DEPDC1B: variants seen among roughly 807,000 people sequenced by gnomAD.
DEPDC1B encodes the protein DEP domain-containing protein 1B.
Under a neutral mutation model 66.5 loss-of-function variants are expected in DEPDC1B, and 51 were observed. The observed-to-expected ratio is 0.77, with a 90% CI of 0.61 to 0.97. DEPDC1B has a LOEUF of 0.97. Among genes scored for constraint, DEPDC1B ranks in the 50% least tolerant of loss-of-function variants. The pLI is 0.00. For synonymous variants in DEPDC1B, 226 were observed against 223.6 expected, an observed-to-expected ratio of 1.01 and a Z score of -0.10; for missense variants, 552 against 637.1, an observed-to-expected ratio of 0.87 and a Z score of 1.44.
In DEPDC1B at chr5:60,668,058, A is replaced by ATT. The variant is rs1461217481; in HGVS notation, c.314+18902_314+18903dup. 3.0e-3 allele frequency among the ~76,000 whole-genome samples: 281 copies of ATT among 92,862 alleles called. 5 individuals carry two copies. Among genetic ancestry groups the ATT allele is most frequent in the Non-Finnish European group, 4.3e-3 (223 of 52,392 alleles). The allele number at this position is 92,862 out of a possible 152,430, so 60.9% of individuals were successfully genotyped here. A position where few individuals can be genotyped will look rare whatever the true frequency, so the allele number is the denominator to read the frequency against. ...TATTTTATATATATATAAAATGGATATTTTATATATATATAAAATGGATAT... is the reference window on the plus strand; with the variant it reads ...TATTTTATATATATATAAAATGGATATTTTTTATATATATATAAAATGGATAT... On this transcript the variant is annotated intron_variant, in intron 2 of 10. Transcript: ENST00000265036.
At chr5:60,631,076 A>G (rs1327628369) in intron 7 of DEPDC1B, 1 of 152,474 alleles carries the variant, frequency 6.6e-6, no homozygotes, top group East Asian at 1.9e-4. Context: ...TGGTCACATA[A>G]CAGAATACAC....
intron 2 of DEPDC1B, among the ~76,000 whole-genome samples, chr5:60,674,918 G>A (rs1296111827): frequency 6.6e-6 from 1 of 152,174 alleles, no homozygotes; most frequent in Non-Finnish European, 1.5e-5. Flanking sequence ...GGAAGCACAA[G>A]TGAGTTCATG....
Position 60,700,115 on chromosome 5 carries a change from G to A in DEPDC1B, c.-22C>T, listed in dbSNP as rs772404902. On this transcript the variant is annotated 5_prime_UTR_variant, in exon 1 of 11. Transcript: ENST00000265036. Reference sequence around the variant, plus strand: ...CCATGGCGCGTAGGCAGCAGCGGCCGCAGCCGCGCCAGCGCTGATCCCCGC... The same window carrying A: ...CCATGGCGCGTAGGCAGCAGCGGCCACAGCCGCGCCAGCGCTGATCCCCGC... The A allele has an allele frequency of 6.5e-6, 10 of 1,542,240 alleles. No homozygotes were observed. The highest frequency in any genetic ancestry group is 5.2e-6 in the Non-Finnish European group (6 of 1,146,442).
chr5:60,660,387 C>G (rs1292514100), intron 2 of DEPDC1B, among the ~76,000 whole-genome samples: 6 of 151,754 alleles, frequency 4.0e-5, no homozygotes, highest in Admixed American at 3.9e-4. Context: ...CCTTTAAAAG[C>G]CAGGGTAAAT....
intron 2 of DEPDC1B, among the ~76,000 whole-genome samples, chr5:60,653,390 G>A (rs1397961403): frequency 7.6e-6 from 1 of 131,548 alleles, no homozygotes; most frequent in Non-Finnish European, 1.5e-5. Context: ...TGGGCCATTC[G>A]CATATCTTTT....
intron 8 of DEPDC1B, among the ~76,000 whole-genome samples, chr5:60,604,507 C>T (rs1321798299): frequency 1.3e-5 from 2 of 152,022 alleles, no homozygotes; most frequent in African/African-American, 4.8e-5. Flanking sequence ...AGGAGTGAGC[C>T]ACCACGCCCA....
intron 7 of DEPDC1B, among the ~76,000 whole-genome samples, chr5:60,609,063 T>C (rs1031571208): frequency 1.3e-5 from 2 of 151,668 alleles, no homozygotes; most frequent in African/African-American, 4.9e-5. Context: ...TGAGCTATAA[T>C]TGCACACTGC....
At chr5:60,604,640 C>A (rs1752274197) in intron 8 of DEPDC1B, among the ~76,000 whole-genome samples, 1 of 151,904 alleles carries the variant, frequency 6.6e-6, no homozygotes, top group African/African-American at 2.4e-5. Context: ...TCATGTAATT[C>A]TGCTTAGTAA....
chr5:60,683,836 G>A (rs184486483), intron 2 of DEPDC1B, among the ~76,000 whole-genome samples: 3 of 151,998 alleles, frequency 2.0e-5, no homozygotes, highest in East Asian at 3.9e-4. Flanking sequence ...TTTCACAAAC[G>A]ACATAAACTT....
At chr5:60,690,173 A>G (rs999248916) in intron 1 of DEPDC1B, among the ~76,000 whole-genome samples, 2 of 152,372 alleles carry the variant, frequency 1.3e-5, no homozygotes, top group Non-Finnish European at 2.9e-5. Context: ...ACTTATAAAC[A>G]TAAGTATATT....
At chr5:60,677,104 C>A (rs553030584) in intron 2 of DEPDC1B, among the ~76,000 whole-genome samples, 1 of 152,024 alleles carries the variant, frequency 6.6e-6, no homozygotes, top group Admixed American at 6.5e-5. Flanking sequence ...ATTATCTTCA[C>A]AAAATATACA....
intron 2 of DEPDC1B, among the ~76,000 whole-genome samples, chr5:60,672,109 C>G (rs1319183810): frequency 6.6e-6 from 1 of 152,210 alleles, no homozygotes; most frequent in Non-Finnish European, 1.5e-5. Flanking sequence ...CTTTTCAGAT[C>G]AAGTTTGTTG....
Position 60,607,576 on chromosome 5 carries a change from C to T in DEPDC1B, c.899-1720G>A, listed in dbSNP as rs1752336282. 3.3e-5 allele frequency among the ~76,000 whole-genome samples: 5 copies of T among 152,050 alleles called. No individual in the cohort carries two copies. In the South Asian group the frequency reaches 1.0e-3, roughly 32 times the overall value. On this transcript the variant is annotated intron_variant, in intron 7 of 10. Transcript: ENST00000265036. ...TGTGTGATCTCATGGAGCTTGTTTT[C>T]CAGAAGATAAAAAGCAAAAAGATAT...
intron 2 of DEPDC1B, among the ~76,000 whole-genome samples, chr5:60,661,596 T>C (rs566925796): frequency 1.3e-5 from 2 of 152,324 alleles, no homozygotes; most frequent in South Asian, 4.1e-4. Context: ...CAGATAACCC[T>C]GATGGCTATA....
chr5:60,597,299 G>A lies in DEPDC1B; in HGVS notation c.*454C>T, dbSNP rs141545203. The A allele has an allele frequency of 3.9e-5, 6 of 152,970 alleles. No individual in the cohort carries two copies. Among genetic ancestry groups the A allele is most frequent in the Non-Finnish European group, 7.3e-5 (5 of 68,288 alleles). 9.5% of individuals were successfully genotyped at this position (152,970 alleles called of 1,614,324 possible). A position where few individuals can be genotyped will look rare whatever the true frequency, so the allele number is the denominator to read the frequency against. On this transcript the variant is annotated 3_prime_UTR_variant, in exon 11 of 11. Transcript: ENST00000265036. ...AATTTATACAGGAGAAATGATAATT[G>A]GCTACTAAGTCAATAGCATCACAGT...
At chr5:60,638,945 T>G (rs1315663059) in intron 6 of DEPDC1B, 55 bp from the exon 7 acceptor site, 1 of 1,574,862 alleles carries the variant, frequency 6.3e-7, no homozygotes, top group African/African-American at 1.4e-5. Context: ...TACCTCTAAG[T>G]ATTATTCTCT....
At chr5:60,695,282 A>T (rs1309149187) in intron 1 of DEPDC1B, among the ~76,000 whole-genome samples, 1 of 152,180 alleles carries the variant, frequency 6.6e-6, no homozygotes, top group African/African-American at 2.4e-5. Flanking sequence ...GCATCTGCTC[A>T]GTTTCTGGTG....
intron 7 of DEPDC1B, among the ~76,000 whole-genome samples, chr5:60,623,893 A>G (rs889179641): frequency 6.6e-6 from 1 of 152,152 alleles, no homozygotes; most frequent in African/African-American, 2.4e-5. Context: ...AAGTTTAATT[A>G]TTAATTCATA....
At chr5:60,621,138 G>A (rs1002083777) in intron 7 of DEPDC1B, among the ~76,000 whole-genome samples, 1 of 151,574 alleles carries the variant, frequency 6.6e-6, no homozygotes, top group Non-Finnish European at 1.5e-5. Flanking sequence ...GGGGACTGTT[G>A]TGGGGTGGGG....
Sources: allele counts gnomAD v4.1 joint callset (sites outside exome capture counted in the v4.1 genomes callset), GRCh38; gene constraint gnomAD v4.1.1; transcripts MANE v1.5; gene names NCBI Gene and HGNC (gene_info 2026-07-23, HGNC 2026-07-21).